Variants in MCF2 observed in about 807,000 individuals in gnomAD.
The protein encoded by MCF2 is MCF.2 cell line derived transforming sequence.
MCF2 carries 44 observed loss-of-function variants against 82.5 expected under a neutral mutation model. That is an observed-to-expected ratio of 0.53 (90% CI 0.42 to 0.69). The LOEUF (loss-of-function observed/expected upper bound fraction) is 0.69. Among genes scored for constraint, MCF2 ranks in the 30% least tolerant of loss-of-function variants. The pLI is 0.00. For synonymous variants in MCF2, 217 were observed against 224.9 expected, an observed-to-expected ratio of 0.96 and a Z score of 0.32; for missense variants, 623 against 663.1, an observed-to-expected ratio of 0.94 and a Z score of 0.66.
rs1163854425 is a variant in MCF2 at position 139,584,128 on chromosome X, CTTTT to C, written c.2745+934_2745+937del. Among the ~76,000 whole-genome samples, 565 of 72,561 alleles carry C rather than the reference CTTTT, an allele frequency of 7.8e-3. 3 individuals carry two copies. Among genetic ancestry groups the C allele is most frequent in the African/African-American group, 0.029 (508 of 17,626 alleles). 63.0% of individuals were successfully genotyped at this position (72,561 alleles called of 115,157 possible). On this transcript the variant is annotated intron_variant, in intron 24 of 24. Transcript: ENST00000370576. The stretch of plus-strand genomic sequence containing the variant: ...CTTTGTGATTATCCATGCCATTATC[CTTTT>C]TTTTTTTTTTTTTTTTTTTTGAGAC...
At chrX:139,630,486 C>G (rs1227778197) in intron 3 of MCF2, among the ~76,000 whole-genome samples, 1 of 111,780 alleles carries the variant, frequency 8.9e-6, no homozygotes, top group Non-Finnish European at 1.9e-5. Flanking sequence ...ATGTAGAGAC[C>G]ATATGACCAT....
At chrX:139,629,827 G>A in exon 4 of MCF2, 2 of 1,207,280 alleles carry the variant, frequency 1.7e-6, no homozygotes, top group Non-Finnish European at 2.2e-6. Flanking sequence ...TCACTGTGAG[G>A]GCAAAATTTT....
At chrX:139,619,997 T>TTGTGTGTGTGTG (rs57662065) in intron 6 of MCF2, among the ~76,000 whole-genome samples, 49 of 93,413 alleles carry the variant, frequency 5.2e-4, no homozygotes, top group Non-Finnish European at 9.2e-4. Flanking sequence ...ATATATACAT[T>TTGTGTGTGTGTG]TGTGTGTGTG....
At position 139,610,299 on chromosome X, in the gene MCF2, A is replaced by C; in HGVS notation, c.1401+2T>G. 7 of 1,151,550 alleles carry C rather than the reference A, an allele frequency of 6.1e-6. No individual in the cohort carries two copies. Among genetic ancestry groups the C allele is most frequent in the Non-Finnish European group, 8.2e-6 (7 of 850,769 alleles). 94.9% of individuals were successfully genotyped at this position (1,151,550 alleles called of 1,213,427 possible). On this transcript the variant is annotated splice_donor_variant, in intron 11 of 24. Transcript: ENST00000370576. LOFTEE classifies it high-confidence loss of function. ...AATTTTGAATTAATTAATGATATTT[A>C]CTTTTAAGTTGCTCTGATTTTGTCT...
At chrX:139,584,614 T>G (rs1928785824) in intron 24 of MCF2, among the ~76,000 whole-genome samples, 1 of 112,103 alleles carries the variant, frequency 8.9e-6, no homozygotes, top group Admixed American at 9.5e-5. Flanking sequence ...CATTAGTGTA[T>G]TTTTGAGAAC....
At chrX:139,619,669 G>T in exon 7 of MCF2, 1 of 1,182,485 alleles carries the variant, frequency 8.5e-7, no homozygotes, top group Non-Finnish European at 1.1e-6. Flanking sequence ...AGCCAGTTCT[G>T]CTTGTTGGTT....
intron 19 of MCF2, among the ~76,000 whole-genome samples, chrX:139,590,949 G>A (rs1260960483): frequency 1.8e-5 from 2 of 111,374 alleles, no homozygotes; most frequent in Non-Finnish European, 3.8e-5. Context: ...TTTTCACAAT[G>A]TCCCAAACTA....
chrX:139,682,732 C>G (rs1161605127), intron 1 of MCF2, among the ~76,000 whole-genome samples: 1 of 111,751 alleles, frequency 8.9e-6, no homozygotes, highest in Admixed American at 9.5e-5. Context: ...CTTCTGTTAT[C>G]CCACCCCAGT....
intron 18 of MCF2, 84 bp from the exon 23 acceptor site, chrX:139,596,854 G>C: frequency 1.6e-6 from 1 of 634,923 alleles, no homozygotes; most frequent in Non-Finnish European, 2.6e-6. Flanking sequence ...TTCAGCTTAA[G>C]CTACTCAAAC....
intron 1 of MCF2, among the ~76,000 whole-genome samples, chrX:139,689,322 C>A (rs772224953): frequency 1.2e-4 from 14 of 112,140 alleles, no homozygotes; most frequent in Non-Finnish European, 2.4e-4. Flanking sequence ...CTGCTGTTGA[C>A]CACTGTGTAT....
At chrX:139,610,581 T>C (rs751760844) in intron 10 of MCF2, among the ~76,000 whole-genome samples, 1 of 112,058 alleles carries the variant, frequency 8.9e-6, no homozygotes, top group Admixed American at 9.5e-5. Flanking sequence ...TTCACTTACT[T>C]GCCAAGCATT....
chrX:139,589,014 T>C (rs1425921902), intron 20 of MCF2, among the ~76,000 whole-genome samples: 2 of 111,560 alleles, frequency 1.8e-5, no homozygotes, highest in Non-Finnish European at 3.8e-5. Flanking sequence ...ATTTCACTTA[T>C]TTTGTCTTTA....
chrX:139,651,165 CAAAATGGTT>C (rs1933996463), intron 2 of MCF2, among the ~76,000 whole-genome samples: 1 of 110,446 alleles, frequency 9.1e-6, no homozygotes, highest in South Asian at 3.8e-4. Flanking sequence ...CTGTACTCTT[CAAAATGGTT>C]AAAATGATAA....
intron 3 of MCF2, among the ~76,000 whole-genome samples, chrX:139,630,436 T>C (rs910332255): frequency 3.6e-5 from 4 of 111,765 alleles, no homozygotes; most frequent in African/African-American, 1.3e-4. Flanking sequence ...TGTTGTTTCT[T>C]TTGTTTCTAA....
At chrX:139,657,428 G>C (rs1437909950) in intron 1 of MCF2, among the ~76,000 whole-genome samples, 1 of 112,169 alleles carries the variant, frequency 8.9e-6, no homozygotes, top group Non-Finnish European at 1.9e-5. Context: ...GCTCTAGTCT[G>C]GCTGTGTCAC....
exon 2 of MCF2, chrX:139,651,721 A>C (rs1264590277): frequency 1.7e-6 from 2 of 1,149,111 alleles, no homozygotes; most frequent in African/African-American, 3.6e-5. Flanking sequence ...TTTGCTTACC[A>C]GACAAGAAGG....
chrX:139,607,009 A>C (rs1300766048), intron 12 of MCF2, among the ~76,000 whole-genome samples: 1 of 111,406 alleles, frequency 9.0e-6, no homozygotes, highest in African/African-American at 3.3e-5. Flanking sequence ...ATACCATTAT[A>C]ACAATGAACA....
At chrX:139,645,593 A>G, upstream of MCF2, 1 of 1,199,397 alleles carries the variant, frequency 8.3e-7, no homozygotes, top group Non-Finnish European at 1.1e-6. Flanking sequence ...AGAGATTTTG[A>G]GAGAAGACCA....
chrX:139,700,930 G>A (rs775901003), intron 1 of MCF2, among the ~76,000 whole-genome samples: 1 of 111,447 alleles, frequency 9.0e-6, no homozygotes, highest in African/African-American at 3.3e-5. Context: ...TGCTGTGAAG[G>A]GTAGGAGTGA....
Sources: gnomAD v4.1 joint callset for allele counts (sites outside exome capture counted in the v4.1 genomes callset) on GRCh38, gnomAD v4.1.1 for gene constraint, MANE v1.5 for transcripts, NCBI Gene and HGNC (gene_info 2026-07-23, HGNC 2026-07-21) for gene names.